Variants in HMGCLL1 observed in about 807,000 individuals in gnomAD.
The protein encoded by HMGCLL1 is 3-hydroxymethyl-3-methylglutaryl-CoA lyase, cytoplasmic.
HMGCLL1 carries 36 observed loss-of-function variants against 39.1 expected under a neutral mutation model. The ratio of observed to expected loss-of-function variants is 0.92; its 90% confidence interval spans 0.71 to 1.22. HMGCLL1 has a LOEUF of 1.22. Ranked by LOEUF, HMGCLL1 falls within the 50% of genes most tolerant of loss-of-function variation. The probability of loss-of-function intolerance (pLI) is 0.00; values close to 1 mark genes in which losing one functional copy is unlikely to be tolerated. For missense variants in HMGCLL1, 451 were observed against 416.5 expected (o/e 1.08, Z -0.72); for synonymous variants, 149 against 144.0 (o/e 1.03, Z -0.25).
the HMGCLL1 span, among the ~76,000 whole-genome samples, chr6:55,589,190 CA>C: frequency 1.3e-5 from 2 of 152,154 alleles, no homozygotes; most frequent in African/African-American, 4.8e-5. Context: ...AGCAACACAT[CA>C]AAAACTTATC....
the HMGCLL1 span, among the ~76,000 whole-genome samples, chr6:55,612,438 A>C: frequency 6.6e-6 from 1 of 152,008 alleles, no homozygotes; most frequent in African/African-American, 2.4e-5. Flanking sequence ...ACAGAATTAG[A>C]AAAAAAACCT....
chr6:55,598,634 G>A, the HMGCLL1 span, among the ~76,000 whole-genome samples: 2 of 152,140 alleles, frequency 1.3e-5, no homozygotes, highest in Non-Finnish European at 2.9e-5. Context: ...CACAAGTACC[G>A]TTCTCTGTTG....
At chr6:55,444,124 T>C (rs1413874420) in intron 7 of HMGCLL1, among the ~76,000 whole-genome samples, 1 of 152,066 alleles carries the variant, frequency 6.6e-6, no homozygotes, top group Non-Finnish European at 1.5e-5. Context: ...TATAGTTCAA[T>C]AAATATCAAT....
Position 55,450,413 on chromosome 6 carries a change from A to G in HMGCLL1, c.796-10854T>C, listed in dbSNP as rs142633495. Among the ~76,000 whole-genome samples the G allele has an allele frequency of 7.4e-3, 1,122 of 152,354 alleles. 14 individuals carry two copies. Among genetic ancestry groups the G allele is most frequent in the African/African-American group, 0.026 (1,066 of 41,578 alleles). On this transcript the variant is annotated intron_variant, in intron 7 of 8. Coordinates refer to ENST00000274901, the MANE Select transcript of HMGCLL1 (RefSeq NM_001042406.2). ...CCTGTTGTGCCATTTTAACTGTGTG[A>G]TTTTGATAATGTTTGTTCAACCTCT... is the stretch of plus-strand genomic sequence containing the variant.
intron 1 of HMGCLL1, among the ~76,000 whole-genome samples, chr6:55,547,219 T>A (rs1463747320): frequency 1.3e-5 from 2 of 152,042 alleles, no homozygotes; most frequent in Non-Finnish European, 2.9e-5. Context: ...AGAACATAAG[T>A]AATGTGCTTC....
the HMGCLL1 span, among the ~76,000 whole-genome samples, chr6:55,619,213 T>G: frequency 1.3e-5 from 2 of 152,010 alleles, no homozygotes; most frequent in Non-Finnish European, 2.9e-5. Context: ...AAAAAGAACT[T>G]TCATGTTTGG....
chr6:55,601,658 A>T, the HMGCLL1 span, among the ~76,000 whole-genome samples: 1 of 151,998 alleles, frequency 6.6e-6, no homozygotes, highest in Non-Finnish European at 1.5e-5. Context: ...AGCCCTAAAA[A>T]CTTTTTTTTC....
the HMGCLL1 span, among the ~76,000 whole-genome samples, chr6:55,638,143 G>T: frequency 2.6e-5 from 4 of 151,964 alleles, no homozygotes; most frequent in African/African-American, 9.7e-5. Context: ...ATAGCTGGGC[G>T]TGGTGTAATC....
At chr6:55,527,303 A>C (rs1768373518) in intron 3 of HMGCLL1, among the ~76,000 whole-genome samples, 1 of 152,042 alleles carries the variant, frequency 6.6e-6, no homozygotes, top group Non-Finnish European at 1.5e-5. Flanking sequence ...TTAAAAATAC[A>C]GATTTCTTGG....
At chr6:55,516,872 TA>T (rs1320872641) in intron 3 of HMGCLL1, among the ~76,000 whole-genome samples, 1 of 152,078 alleles carries the variant, frequency 6.6e-6, no homozygotes, top group Non-Finnish European at 1.5e-5. Context: ...TATTTTCACT[TA>T]ACCAATCTTT....
intron 7 of HMGCLL1, among the ~76,000 whole-genome samples, chr6:55,448,420 T>C (rs1763948922): frequency 6.6e-6 from 1 of 151,426 alleles, no homozygotes; most frequent in South Asian, 2.1e-4. Flanking sequence ...AAGAAAAGGA[T>C]ACTAACTATA....
At chr6:55,623,787 C>T in the HMGCLL1 span, among the ~76,000 whole-genome samples, 2 of 151,718 alleles carry the variant, frequency 1.3e-5, no homozygotes, top group Non-Finnish European at 2.9e-5. Context: ...TATATACACT[C>T]ACCATTTGGC....
chr6:55,539,407 C>G (rs1229776419), intron 3 of HMGCLL1, among the ~76,000 whole-genome samples: 5 of 152,064 alleles, frequency 3.3e-5, no homozygotes, highest in Admixed American at 2.0e-4. Context: ...CATTGCAGCA[C>G]TATTCACAAC....
rs145358808 is a variant in HMGCLL1, at chr6:55,557,223, T to C, written c.109-15083A>G. 3.3e-3 allele frequency among the ~76,000 whole-genome samples: 497 copies of C among 152,324 alleles called. 4 individuals are homozygous for C. Among genetic ancestry groups the C allele is most frequent in the African/African-American group, 0.011 (469 of 41,580 alleles). ...TTTATTCGTATATTTTTCCAGCCAC[T>C]AAGCTTTAAAGTATATGGTTGTCTT... is the stretch of plus-strand genomic sequence containing the variant. On this transcript the variant is annotated intron_variant, in intron 1 of 8. Transcript: ENST00000274901.
the HMGCLL1 span, among the ~76,000 whole-genome samples, chr6:55,589,758 G>T: frequency 7.0e-4 from 106 of 151,668 alleles, no homozygotes; most frequent in African/African-American, 2.4e-3. Context: ...TACACCAATA[G>T]CAGACAAACA....
At chr6:55,498,451 G>C (rs1766703193) in intron 6 of HMGCLL1, among the ~76,000 whole-genome samples, 1 of 152,012 alleles carries the variant, frequency 6.6e-6, no homozygotes, top group South Asian at 2.1e-4. Flanking sequence ...GCACAAAAGA[G>C]GAACAGCTTT....
the HMGCLL1 span, among the ~76,000 whole-genome samples, chr6:55,633,875 G>A: frequency 1.1e-4 from 17 of 152,100 alleles, no homozygotes; most frequent in East Asian, 1.4e-3. Flanking sequence ...CAAAAGTGCC[G>A]AAAAATTGTT....
chr6:55,627,161 G>A, the HMGCLL1 span, among the ~76,000 whole-genome samples: 1 of 151,768 alleles, frequency 6.6e-6, no homozygotes, highest in Non-Finnish European at 1.5e-5. Flanking sequence ...CTATGACCAC[G>A]TGACCAGCTG....
chr6:55,650,464 T>C, the HMGCLL1 span, among the ~76,000 whole-genome samples: 1 of 151,708 alleles, frequency 6.6e-6, no homozygotes, highest in African/African-American at 2.4e-5. Flanking sequence ...CTCCAAAATA[T>C]ATGGAGTCCC....
Sources: gnomAD v4.1 joint callset for allele counts (sites outside exome capture counted in the v4.1 genomes callset) on GRCh38, gnomAD v4.1.1 for gene constraint, MANE v1.5 for transcripts, NCBI Gene and HGNC (gene_info 2026-07-23, HGNC 2026-07-21) for gene names.